PTPRD: variants seen among roughly 807,000 people sequenced by gnomAD.
The protein encoded by PTPRD is protein tyrosine phosphatase receptor type D, also known as receptor-type tyrosine-protein phosphatase delta.
PTPRD carries 34 observed loss-of-function variants against 214.5 expected under a neutral mutation model. The observed-to-expected ratio is 0.16, with a 90% CI of 0.12 to 0.21. The LOEUF (loss-of-function observed/expected upper bound fraction) is 0.21. Ranked by LOEUF, PTPRD falls within the 10% of genes least tolerant of loss-of-function variation. The probability of loss-of-function intolerance (pLI) is 1.00; values close to 1 mark genes in which losing one functional copy is unlikely to be tolerated. For synonymous variants in PTPRD, 1,128 were observed against 845.7 expected, an observed-to-expected ratio of 1.33 and a Z score of -5.79; for missense variants, 2,545 against 2,398.7, an observed-to-expected ratio of 1.06 and a Z score of -1.27.
At position 9,321,087 on chromosome 9, in the gene PTPRD, G is replaced by C. The variant is rs114198164; in HGVS notation, c.-203+76362C>G. Among the ~76,000 whole-genome samples the C allele has an allele frequency of 7.1e-3, 1,078 of 152,208 alleles. 11 individuals carry two copies. The highest frequency in any genetic ancestry group is 0.025 in the African/African-American group (1,026 of 41,512). On this transcript the variant is annotated intron_variant, in intron 9 of 45. Transcript: ENST00000381196. ...TGATAATTTGTGAGTCCAACACTGA[G>C]ACACAAATTAACATCACTGCATTAG... is the stretch of plus-strand genomic sequence containing the variant.
chr9:9,930,425 T>A (rs1186469337), intron 5 of PTPRD, among the ~76,000 whole-genome samples: 1 of 152,188 alleles, frequency 6.6e-6, no homozygotes, highest in East Asian at 1.9e-4. Flanking sequence ...TCTACAGAGT[T>A]TATTTTTAAA....
chr9:9,279,861 A>G (rs1373982593), intron 9 of PTPRD, among the ~76,000 whole-genome samples: 1 of 151,248 alleles, frequency 6.6e-6, no homozygotes, highest in Non-Finnish European at 1.5e-5. Context: ...TACATTCAGT[A>G]TAAGAGATAA....
In PTPRD at chr9:10,139,930, A is replaced by G. The variant is rs144696322; in HGVS notation, c.-544-106140T>C. On this transcript the variant is annotated intron_variant, in intron 3 of 45. Transcript: ENST00000381196. ...CTTAAATGAAAGAACTATAAATACAAAATTCTAGAAGAAAATCCAGAACAT... is the reference window on the plus strand; with the variant it reads ...CTTAAATGAAAGAACTATAAATACAGAATTCTAGAAGAAAATCCAGAACAT... Among the ~76,000 whole-genome samples the G allele has an allele frequency of 4.6e-5, 7 of 152,264 alleles. No homozygotes were observed. The East Asian group carries it at 1.4e-3, about 29-fold the overall frequency.
chr9:8,649,457 T>C (rs1480113237), intron 12 of PTPRD, among the ~76,000 whole-genome samples: 3 of 152,220 alleles, frequency 2.0e-5, no homozygotes, highest in Admixed American at 6.5e-5. Context: ...GGCAAGATAC[T>C]TTGGGAAGTG....
intron 3 of PTPRD, among the ~76,000 whole-genome samples, chr9:10,067,490 A>C (rs1173628591): frequency 6.6e-6 from 1 of 151,940 alleles, no homozygotes; most frequent in Non-Finnish European, 1.5e-5. Flanking sequence ...ACACAGAAGG[A>C]TAAAAAGCAG....
At chr9:8,713,960 C>A (rs2098401290) in intron 12 of PTPRD, 2 of 624,266 alleles carry the variant, frequency 3.2e-6, no homozygotes, top group African/African-American at 1.8e-5. Flanking sequence ...ATTAGTGAGG[C>A]CTGACCTTGG....
chr9:8,765,600 G>A (rs1023312557), intron 11 of PTPRD, among the ~76,000 whole-genome samples: 6 of 152,150 alleles, frequency 3.9e-5, no homozygotes, highest in Admixed American at 6.5e-5. Context: ...ATCTCTGGCC[G>A]ACATCTTGAC....
chr9:8,431,025 G>A (rs1028250841), intron 35 of PTPRD, among the ~76,000 whole-genome samples: 12 of 152,148 alleles, frequency 7.9e-5, no homozygotes, highest in Non-Finnish European at 1.5e-5. Context: ...TAGTACTGTA[G>A]TGGATAATTA....
chr9:8,397,182 A>G (rs2091394547), intron 36 of PTPRD, among the ~76,000 whole-genome samples: 1 of 152,168 alleles, frequency 6.6e-6, no homozygotes, highest in African/African-American at 2.4e-5. Context: ...TACCTTAAAT[A>G]GAATTTCAAG....
At chr9:9,804,823 ATTATG>A (rs947446226) in intron 5 of PTPRD, among the ~76,000 whole-genome samples, 3 of 151,272 alleles carry the variant, frequency 2.0e-5, no homozygotes, top group Non-Finnish European at 4.4e-5. Flanking sequence ...TTTTTATAAT[ATTATG>A]TTAAATTTCA....
At chr9:8,541,811 C>T (rs1246072712) in intron 14 of PTPRD, among the ~76,000 whole-genome samples, 1 of 152,050 alleles carries the variant, frequency 6.6e-6, no homozygotes, top group Non-Finnish European at 1.5e-5. Flanking sequence ...TTGAACTTTC[C>T]TCTCTATCAA....
At chr9:10,037,633 C>T (rs1301274853) in intron 3 of PTPRD, among the ~76,000 whole-genome samples, 1 of 145,374 alleles carries the variant, frequency 6.9e-6, no homozygotes, top group Non-Finnish European at 1.5e-5. Flanking sequence ...ATTCACTTTA[C>T]ATTTAAGGGG....
chr9:9,983,316 A>T (rs1176191827), intron 4 of PTPRD, among the ~76,000 whole-genome samples: 1 of 152,232 alleles, frequency 6.6e-6, no homozygotes, highest in East Asian at 1.9e-4. Flanking sequence ...AGTTCTTGGA[A>T]TCTTAGTGCA....
intron 2 of PTPRD, among the ~76,000 whole-genome samples, chr9:10,579,937 G>T (rs1288493617): frequency 6.6e-6 from 1 of 151,914 alleles, no homozygotes; most frequent in African/African-American, 2.4e-5. Context: ...CATGCCCTTT[G>T]TCAATGTTCA....
chr9:10,085,822 T>C (rs113563418), intron 3 of PTPRD, among the ~76,000 whole-genome samples: 2,305 of 152,028 alleles, frequency 0.015, 41 homozygotes, highest in Middle Eastern at 0.037. Flanking sequence ...GCCTCATCAG[T>C]TTCCTTAGAG....
At chr9:9,953,155 G>C (rs760954828) in intron 4 of PTPRD, among the ~76,000 whole-genome samples, 26 of 152,100 alleles carry the variant, frequency 1.7e-4, no homozygotes, top group Non-Finnish European at 3.5e-4. Context: ...AATTCTGTGT[G>C]TCAACTTTCC....
chr9:9,438,279 A>T (rs951277684), intron 8 of PTPRD, among the ~76,000 whole-genome samples: 2 of 152,184 alleles, frequency 1.3e-5, no homozygotes, highest in African/African-American at 4.8e-5. Flanking sequence ...ACAGCAAAAG[A>T]CTACTACTAT....
chr9:9,628,671 A>T (rs969515380), intron 7 of PTPRD, among the ~76,000 whole-genome samples: 3 of 152,094 alleles, frequency 2.0e-5, no homozygotes, highest in Non-Finnish European at 4.4e-5. Flanking sequence ...GACATTCCCA[A>T]TTCCAACCTC....
intron 8 of PTPRD, among the ~76,000 whole-genome samples, chr9:9,479,491 C>T (rs1486108352): frequency 6.6e-6 from 1 of 151,870 alleles, no homozygotes; most frequent in Non-Finnish European, 1.5e-5. Context: ...CAATTAAGTC[C>T]CTGACATCAT....
Sources: gnomAD v4.1 joint callset for allele counts (sites outside exome capture counted in the v4.1 genomes callset) on GRCh38, gnomAD v4.1.1 for gene constraint, MANE v1.5 for transcripts, NCBI Gene and HGNC (gene_info 2026-07-23, HGNC 2026-07-21) for gene names.